The following MAS1 variants were observed in gnomAD, a reference collection of about 807,000 sequenced individuals.
MAS1 encodes MAS1 proto-oncogene, G protein-coupled receptor.
For synonymous variants in MAS1, 163 were observed against 164.2 expected (o/e 0.99, Z 0.05); for missense variants, 387 against 409.7 (o/e 0.94, Z 0.48).
intron 1 of MAS1, among the ~76,000 whole-genome samples, chr6:159,896,858 TTTTGTTTGTTTG>T (rs71812549): frequency 8.0e-5 from 12 of 150,890 alleles, no homozygotes; most frequent in African/African-American, 2.7e-4. Context: ...GACTGGGTTT[TTTTGTTTGTTTG>T]TTTGTTTGTT....
chr6:159,893,498 A>C (rs1276378203), intron 1 of MAS1, among the ~76,000 whole-genome samples: 1 of 152,180 alleles, frequency 6.6e-6, no homozygotes, highest in African/African-American at 2.4e-5. Context: ...GCAACCATTC[A>C]TAGGTGGGTT....
rs1297774006 is a variant in MAS1 at position 159,910,630 on chromosome 6, C to G, written c.*2697C>G. On this transcript the variant is annotated 3_prime_UTR_variant, in exon 3 of 3. Transcript: ENST00000674077. The stretch of plus-strand genomic sequence containing the variant: ...GCTGTGTTGGTCGAATCCACTGCAC[C>G]CCTCTCTGGGCTGTTTCCTTTGTAC... 6.6e-6 allele frequency: 1 copy of G among 152,228 alleles called. No homozygotes were observed. The highest frequency in any genetic ancestry group is 1.5e-5 in the Non-Finnish European group (1 of 68,090). The allele number at this position is 152,228 out of a possible 1,614,324, so 9.4% of individuals were successfully genotyped here.
chr6:159,903,170 C>T (rs1027521010), intron 2 of MAS1, among the ~76,000 whole-genome samples: 1 of 152,104 alleles, frequency 6.6e-6, no homozygotes, highest in Non-Finnish European at 1.5e-5. Flanking sequence ...CGATATGTAG[C>T]TCCTATTTCC....
chr6:159,892,063 T>C (rs1782705138), intron 1 of MAS1, among the ~76,000 whole-genome samples: 1 of 152,138 alleles, frequency 6.6e-6, no homozygotes, highest in South Asian at 2.1e-4. Context: ...CAAAATCACC[T>C]TCCCCCCTTT....
In MAS1 at chr6:159,915,659, C is replaced by T. The variant is rs1428671626; in HGVS notation, c.*7726C>T. 1 of 152,270 alleles carries T rather than the reference C, an allele frequency of 6.6e-6. No homozygotes were observed. The allele number at this position is 152,270 out of a possible 1,614,324, so 9.4% of individuals were successfully genotyped here. A position where few individuals can be genotyped will look rare whatever the true frequency, so the allele number is the denominator to read the frequency against. Reference sequence around the variant, plus strand: ...GCTTGGCAAGTGTCAACAAGTTAATCTCTGTGACTGGTGACTTAGTTGGAG... The same window carrying T: ...GCTTGGCAAGTGTCAACAAGTTAATTTCTGTGACTGGTGACTTAGTTGGAG... On this transcript the variant is annotated 3_prime_UTR_variant, in exon 3 of 3. Transcript: ENST00000674077.
In MAS1 at chr6:159,907,459, T is replaced by G; in HGVS notation, c.504T>G (p.Tyr168Ter). The G allele has an allele frequency of 6.2e-7, 1 of 1,614,060 alleles. No individual in the cohort carries two copies. The highest frequency in any genetic ancestry group is 8.5e-7 in the Non-Finnish European group (1 of 1,180,030). The change falls in exon 3 of 3, where the codon TAT becomes TAG. Residue 168 changes from tyrosine to a stop codon, truncating the protein, a stop_gained. Coordinates refer to ENST00000674077, the MANE Select transcript of MAS1 (RefSeq NM_002377.4). LOFTEE classifies it low-confidence loss of function (END_TRUNC). ...CTTGCTTGGTGACCACCATGGAGTA[T>G]GTCATGTGCATCGACAGAGAAGAAG... ...ALSCLVTTME[Y>*]VMCIDREEES...
At chr6:159,893,414 C>T (rs1162172652) in intron 1 of MAS1, among the ~76,000 whole-genome samples, 9 of 152,028 alleles carry the variant, frequency 5.9e-5, no homozygotes, top group Non-Finnish European at 1.3e-4. Flanking sequence ...ACTGGTCCAA[C>T]AGGAAGTAAA....
At position 159,915,509 on chromosome 6, in the gene MAS1, A is replaced by T. The variant is rs769665371; in HGVS notation, c.*7576A>T. On this transcript the variant is annotated 3_prime_UTR_variant, in exon 3 of 3. Coordinates refer to ENST00000674077, the MANE Select transcript of MAS1 (RefSeq NM_002377.4). Reference sequence around the variant, plus strand: ...TCCGCAGGCACTCCTGTGGGGAAGGAGTGATTTGCAGGCTTCATGCTGACA... The same window carrying T: ...TCCGCAGGCACTCCTGTGGGGAAGGTGTGATTTGCAGGCTTCATGCTGACA... 1.3e-5 allele frequency: 2 copies of T among 152,132 alleles called. No homozygotes were observed. Among genetic ancestry groups the T allele is most frequent in the Non-Finnish European group, 2.9e-5 (2 of 68,022 alleles). The allele number at this position is 152,132 out of a possible 1,614,324, so 9.4% of individuals were successfully genotyped here.
chr6:159,906,040 CAA>C (rs796103553), intron 2 of MAS1, among the ~76,000 whole-genome samples: 1 of 134,218 alleles, frequency 7.5e-6, no homozygotes. Context: ...GTCTCTGTCT[CAA>C]AAAAAAAAAA....
chr6:159,907,777 C>T lies in MAS1; in HGVS notation c.822C>T (p.Ser274=), dbSNP rs145623509. ...TGCTCTTCTCCACAATCAACAGTAG[C>T]GCCAACCCTTTCATTTACTTCTTTG... ...ISLLFSTINS[S]ANPFIYFFVG... is the part of the protein sequence containing the mutation. Residue 274 remains serine (S), a synonymous_variant, in exon 3 of 3, where the codon AGC becomes AGT. Transcript: ENST00000674077. 1.6e-4 allele frequency: 255 copies of T among 1,613,500 alleles called. 2 individuals carry two copies. The highest frequency in any genetic ancestry group is 6.6e-4 in the Middle Eastern group (4 of 6,062).
rs1782929462 is a variant in MAS1, at chr6:159,908,655, T to C, written c.*722T>C. The C allele has an allele frequency of 1.3e-5, 2 of 152,132 alleles. No homozygotes were observed. Among genetic ancestry groups the C allele is most frequent in the Non-Finnish European group, 2.9e-5 (2 of 68,022 alleles). The allele number at this position is 152,132 out of a possible 1,614,324, so 9.4% of individuals were successfully genotyped here. A position where few individuals can be genotyped will look rare whatever the true frequency, so the allele number is the denominator to read the frequency against. ...AGCATTTCATGGCATTACACCTCTATTGAAAAACATCGCGGATGTTATGAT... is the reference window on the plus strand; with the variant it reads ...AGCATTTCATGGCATTACACCTCTACTGAAAAACATCGCGGATGTTATGAT... On this transcript the variant is annotated 3_prime_UTR_variant, in exon 3 of 3. Coordinates refer to ENST00000674077, the MANE Select transcript of MAS1 (RefSeq NM_002377.4).
intron 1 of MAS1, among the ~76,000 whole-genome samples, chr6:159,898,650 C>CTCCTCCCTCT (rs1562309986): frequency 1.3e-4 from 19 of 143,986 alleles, no homozygotes; most frequent in East Asian, 2.1e-4. Flanking sequence ...CTCCCTCTTC[C>CTCCTCCCTCT]TCCTCCTCCC....
chr6:159,898,514 C>CTCCTTCT (rs1782780222), intron 1 of MAS1, among the ~76,000 whole-genome samples: 1 of 148,982 alleles, frequency 6.7e-6, no homozygotes, highest in East Asian at 2.0e-4. Context: ...CCTCCTCCTC[C>CTCCTTCT]TCCTCCTTCT....
intron 1 of MAS1, among the ~76,000 whole-genome samples, chr6:159,894,183 T>C (rs966196689): frequency 1.3e-5 from 2 of 151,808 alleles, no homozygotes; most frequent in Non-Finnish European, 2.9e-5. Flanking sequence ...GGAGAGTCTG[T>C]GGAGTAGGAA....
intron 2 of MAS1, among the ~76,000 whole-genome samples, chr6:159,905,068 C>T (rs1251164951): frequency 2.0e-5 from 3 of 152,176 alleles, no homozygotes; most frequent in African/African-American, 7.2e-5. Flanking sequence ...TTACTTTTTT[C>T]CATAGAACTG....
chr6:159,897,467 T>C (rs1359890552), intron 1 of MAS1, among the ~76,000 whole-genome samples: 1 of 152,214 alleles, frequency 6.6e-6, no homozygotes, highest in Non-Finnish European at 1.5e-5. Flanking sequence ...TTGTGGCCTC[T>C]GGCTGCATGA....
rs555480946 is a variant in MAS1, at chr6:159,913,748, T to C, written c.*5815T>C. The C allele has an allele frequency of 1.2e-3, 177 of 152,362 alleles. 1 individual carries two copies. Among genetic ancestry groups the C allele is most frequent in the African/African-American group, 4.1e-3 (170 of 41,578 alleles). 9.4% of individuals were successfully genotyped at this position (152,362 alleles called of 1,614,324 possible). ...TCTCATTTGCTTAAAATTATTGGCA[T>C]GTTGTTGAAATTATAATGAGTTTTA... On this transcript the variant is annotated 3_prime_UTR_variant, in exon 3 of 3. Coordinates refer to ENST00000674077, the MANE Select transcript of MAS1 (RefSeq NM_002377.4).
chr6:159,913,848 C>T lies in MAS1; in HGVS notation c.*5915C>T, dbSNP rs766530629. The T allele has an allele frequency of 6.6e-6, 1 of 152,200 alleles. No homozygotes were observed. Among genetic ancestry groups the T allele is most frequent in the Non-Finnish European group, 1.5e-5 (1 of 68,034 alleles). The allele number at this position is 152,200 out of a possible 1,614,324, so 9.4% of individuals were successfully genotyped here. A position where few individuals can be genotyped will look rare whatever the true frequency, so the allele number is the denominator to read the frequency against. ...TGATTTTCTATGAAATTTTGGTCCTCATTTTAACAAGATTCCTTTTTAACA... is the reference window on the plus strand; with the variant it reads ...TGATTTTCTATGAAATTTTGGTCCTTATTTTAACAAGATTCCTTTTTAACA... On this transcript the variant is annotated 3_prime_UTR_variant, in exon 3 of 3. Coordinates refer to ENST00000674077, the MANE Select transcript of MAS1 (RefSeq NM_002377.4).
chr6:159,901,800 T>C (rs2115114177), intron 2 of MAS1, among the ~76,000 whole-genome samples: 1 of 150,938 alleles, frequency 6.6e-6, no homozygotes, highest in Non-Finnish European at 1.5e-5. Flanking sequence ...CTGCAATTAG[T>C]TACGACCACA....
Sources: gnomAD v4.1 joint callset for allele counts (sites outside exome capture counted in the v4.1 genomes callset) on GRCh38, gnomAD v4.1.1 for gene constraint, MANE v1.5 for transcripts, NCBI Gene and HGNC (gene_info 2026-07-23, HGNC 2026-07-21) for gene names.